CEP76: variants seen among roughly 807,000 people sequenced by gnomAD.
CEP76 encodes the protein centrosomal protein 76.
A neutral mutation model predicts 83.3 loss-of-function variants in CEP76; 55 were observed. The ratio of observed to expected loss-of-function variants is 0.66; its 90% CI spans 0.53 to 0.83. The LOEUF is 0.83. Ranked by LOEUF, CEP76 falls within the 40% of genes least tolerant of loss-of-function variation. CEP76 has a pLI of 0.00. For missense variants in CEP76, 694 were observed against 799.5 expected, an observed-to-expected ratio of 0.87 and a Z score of 1.59; for synonymous variants, 270 against 274.5, an observed-to-expected ratio of 0.98 and a Z score of 0.16.
At chr18:12,681,388 AGGTGTGCACCAT>A (rs796147553) in intron 8 of CEP76, among the ~76,000 whole-genome samples, 44 of 151,798 alleles carry the variant, frequency 2.9e-4, no homozygotes, top group African/African-American at 1.0e-3. Flanking sequence ...CTGGGACTAA[AGGTGTGCACCAT>A]GACACCTAGC....
At chr18:12,672,295 T>C (rs1178480231), downstream of CEP76, among the ~76,000 whole-genome samples, 1 of 151,952 alleles carries the variant, frequency 6.6e-6, no homozygotes, top group Non-Finnish European at 1.5e-5. Context: ...TTCGTATTTT[T>C]AGTAGAGACA....
In CEP76 at chr18:12,678,176, A is replaced by G. The variant is rs1266200543; in HGVS notation, c.1556T>C (p.Ile519Thr). 7 of 1,614,076 alleles carry G rather than the reference A, an allele frequency of 4.3e-6. No individual in the cohort carries two copies. The highest frequency in any genetic ancestry group is 2.2e-5 in the East Asian group (1 of 44,898). ...TTCATTACTTGTTACTGACGCGTCAATTGTGGATGCACACAGAGGTGGAAA... is the reference window on the plus strand; with the variant it reads ...TTCATTACTTGTTACTGACGCGTCAGTTGTGGATGCACACAGAGGTGGAAA... ...PPFPPLCAST[I>T]DASVTSNEIE... is the part of the protein sequence containing the mutation. The change falls in exon 10 of 12, where the codon ATT becomes ACT. Residue 519 changes from isoleucine to threonine, a missense_variant. Physicochemically the swap from Ile to Thr is moderately conservative, Grantham distance 89. Coordinates refer to ENST00000262127, the MANE Select transcript of CEP76 (RefSeq NM_024899.4).
intron 4 of CEP76, among the ~76,000 whole-genome samples, chr18:12,697,946 C>T (rs2040012727): frequency 6.6e-6 from 1 of 152,014 alleles, no homozygotes; most frequent in South Asian, 2.1e-4. Context: ...CATTCTGAAA[C>T]TTTGCTTAGT....
chr18:12,686,350 A>T lies in CEP76; in HGVS notation c.1034T>A (p.Val345Asp), dbSNP rs1373470777. Residue 345 changes from valine (V) to aspartate (D), a missense_variant, in exon 8 of 12, where the codon GTC (valine) becomes GAC (aspartate). Val to Asp is a radical substitution (Grantham distance 152, BLOSUM62 -3). Coordinates refer to ENST00000262127, the MANE Select transcript of CEP76 (RefSeq NM_024899.4). ...TPRQAARFVN[V>D]LGYERAPVIG... ...AACAGGGGCTCGTTCATAACCAAGG[A>T]CATTAACAAATCTTGCTGCTTGCCT... The T allele has an allele frequency of 4.3e-6, 7 of 1,613,984 alleles. No homozygotes were observed. The Admixed American group carries it at 8.3e-5, about 19-fold the overall frequency.
At chr18:12,661,959 T>A in exon 13 of CEP76, 1 of 257,364 alleles carries the variant, frequency 3.9e-6, no homozygotes, top group South Asian at 4.0e-5. Flanking sequence ...TGAATATGAT[T>A]TTGTTTTGTT....
In CEP76 at chr18:12,686,317, C is replaced by A; in HGVS notation, c.1067G>T (p.Gly356Val). ...GCACCACTGCTCCTGTTTACCTCCT[C>A]CTCCAATAACAGGGGCTCGTTCATA... ...LGYERAPVIG[G>V]GGKQEQWCTL... Residue 356 changes from glycine to valine, a missense_variant, in exon 8 of 12, where the codon GGA (glycine) becomes GTA (valine). Physicochemically the swap from Gly to Val is moderately radical, Grantham distance 109. Coordinates refer to ENST00000262127, the MANE Select transcript of CEP76 (RefSeq NM_024899.4). The A allele has an allele frequency of 6.2e-7, 1 of 1,614,132 alleles. No individual in the cohort carries two copies.
chr18:12,686,330 G>C lies in CEP76; in HGVS notation c.1054C>G (p.Pro352Ala). ...TGTTTACCTCCTCCTCCAATAACAG[G>C]GGCTCGTTCATAACCAAGGACATTA... ...FVNVLGYERAPVIGGGGKQEQ... is the reference protein window; with the variant it reads ...FVNVLGYERAAVIGGGGKQEQ... Residue 352 changes from proline (P) to alanine (A), a missense_variant, in exon 8 of 12, where the codon CCT becomes GCT. Coordinates refer to ENST00000262127, the MANE Select transcript of CEP76 (RefSeq NM_024899.4). 6.2e-7 allele frequency: 1 copy of C among 1,614,044 alleles called. No individual in the cohort carries two copies. The highest frequency in any genetic ancestry group is 2.2e-5 in the East Asian group (1 of 44,870).
At chr18:12,695,797 A>G (rs112780539) in intron 5 of CEP76, among the ~76,000 whole-genome samples, 2 of 152,156 alleles carry the variant, frequency 1.3e-5, no homozygotes, top group African/African-American at 4.8e-5. Flanking sequence ...TATAATATCA[A>G]CCAGACTTAC....
At chr18:12,701,348 A>C (rs2040143747) in intron 1 of CEP76, among the ~76,000 whole-genome samples, 6 of 152,176 alleles carry the variant, frequency 3.9e-5, no homozygotes. Flanking sequence ...AACCAAAAGG[A>C]ATCTTCTGAG....
In CEP76 at chr18:12,691,410, A is replaced by G; in HGVS notation, c.882T>C (p.Tyr294=). The G allele has an allele frequency of 6.2e-7, 1 of 1,608,942 alleles. No homozygotes were observed. Among genetic ancestry groups the G allele is most frequent in the Non-Finnish European group, 8.5e-7 (1 of 1,177,268 alleles). ...AGTTGTGTGAGGGTCGAATTTGCAAATATTCTCTCCACCACTGCTTAGCAT... is the reference window on the plus strand; with the variant it reads ...AGTTGTGTGAGGGTCGAATTTGCAAGTATTCTCTCCACCACTGCTTAGCAT... The part of the protein sequence containing the change: ...LVYAKQWWRE[Y]LQIRPSHNSR... Residue 294 remains tyrosine (Y), a synonymous_variant, in exon 7 of 12, where the codon TAT becomes TAC. Transcript: ENST00000262127.
At chr18:12,698,590 G>A (rs951435549) in intron 4 of CEP76, among the ~76,000 whole-genome samples, 4 of 152,064 alleles carry the variant, frequency 2.6e-5, no homozygotes, top group East Asian at 1.9e-4. Context: ...GTGAGTCACC[G>A]TGCTCAGCCT....
chr18:12,683,186 C>CAAAAAAAAAAAAAAAAAAAAAAAAAAAAA (rs765652085), intron 8 of CEP76, among the ~76,000 whole-genome samples: 4 of 63,678 alleles, frequency 6.3e-5, no homozygotes, highest in African/African-American at 1.2e-4. Context: ...CTAAAAATAC[C>CAAAAAAAAAAAAAAAAAAAAAAAAAAAAA]AAAAAAAAAA....
intron 12 of CEP76, chr18:12,662,223 G>GTAACCTAAATT (rs1266988259): frequency 1.4e-5 from 6 of 437,742 alleles, no homozygotes; most frequent in African/African-American, 1.2e-4. Context: ...TTTTAATGTT[G>GTAACCTAAATT]TAACCTAAAT....
chr18:12,671,226 G>A (rs975458999), downstream of CEP76: 2 of 152,040 alleles, frequency 1.3e-5, no homozygotes, highest in African/African-American at 4.8e-5. Flanking sequence ...TTATAGGTGT[G>A]AGCCATCACA....
chr18:12,669,413 C>G (rs1428513960), downstream of CEP76, among the ~76,000 whole-genome samples: 1 of 151,794 alleles, frequency 6.6e-6, no homozygotes, highest in Non-Finnish European at 1.5e-5. Flanking sequence ...CGCCTGGCCC[C>G]AATTTTTTTT....
chr18:12,679,664 C>T (rs1465710185), intron 9 of CEP76, among the ~76,000 whole-genome samples: 4 of 152,070 alleles, frequency 2.6e-5, no homozygotes, highest in Non-Finnish European at 4.4e-5. Context: ...AAAAATGTGT[C>T]CAGTGGATTT....
chr18:12,692,798 CTATTTAGGATCCA>C (rs1042191654), intron 6 of CEP76, among the ~76,000 whole-genome samples: 1 of 152,126 alleles, frequency 6.6e-6, no homozygotes, highest in African/African-American at 2.4e-5. Flanking sequence ...ATTTTGACAT[CTATTTAGGATCCA>C]TACATATTTC....
In CEP76 at chr18:12,678,309, C is replaced by T. The variant is rs1024942795; in HGVS notation, c.1423G>A (p.Val475Ile). 18 of 1,614,044 alleles carry T rather than the reference C, an allele frequency of 1.1e-5. No homozygotes were observed. The highest frequency in any genetic ancestry group is 1.5e-5 in the Non-Finnish European group (18 of 1,180,042). Reference protein sequence around the residue: ...FLGNCQPSDAVETCVFDLNDE... With the variant: ...FLGNCQPSDAIETCVFDLNDE... ...TTCAAATCAAATACACAGGTTTCTA[C>T]TGCATCAGAGGGTTGACAATTTCCC... The change falls in exon 10 of 12, where the codon GTA becomes ATA. Residue 475 changes from valine to isoleucine, a missense_variant. Transcript: ENST00000262127.
At chr18:12,692,766 T>G (rs1463266327) in intron 6 of CEP76, among the ~76,000 whole-genome samples, 10 of 152,240 alleles carry the variant, frequency 6.6e-5, no homozygotes, top group Non-Finnish European at 2.9e-5. Context: ...ACATCTCCAG[T>G]GTCTAGAACA....
Sources: gnomAD v4.1 joint callset for allele counts (sites outside exome capture counted in the v4.1 genomes callset) on GRCh38, gnomAD v4.1.1 for gene constraint, MANE v1.5 for transcripts, NCBI Gene and HGNC (gene_info 2026-07-23, HGNC 2026-07-21) for gene names.